RAB3IL1: variants seen among roughly 807,000 people sequenced by gnomAD.
The protein encoded by RAB3IL1 is RAB3A interacting protein like 1, also known as guanine nucleotide exchange factor for Rab-3A.
In RAB3IL1, 37 loss-of-function variants were observed where a neutral mutation model predicts 49.2. That is an observed-to-expected ratio of 0.75 (90% CI 0.58 to 0.99). The LOEUF (loss-of-function observed/expected upper bound fraction) is 0.99, where lower values mean the gene tolerates loss of function less well. RAB3IL1 is among the 50% of genes least tolerant of loss of function. RAB3IL1 has a pLI of 0.00. For synonymous variants in RAB3IL1, 193 were observed against 213.9 expected (o/e 0.90, Z 0.85); for missense variants, 484 against 513.0 (o/e 0.94, Z 0.55).
intron 2 of RAB3IL1, 25 bp downstream of exon 2, chr11:61,908,029 C>A (rs1311103027): frequency 3.1e-6 from 5 of 1,590,540 alleles, no homozygotes; most frequent in Non-Finnish European, 8.6e-7. Flanking sequence ...CACCGAAGAC[C>A]CCCCAGCCTA....
At chr11:61,928,373 C>A in the RAB3IL1 span, among the ~76,000 whole-genome samples, 4 of 152,094 alleles carry the variant, frequency 2.6e-5, no homozygotes, top group African/African-American at 9.6e-5. Context: ...AGCTAGGACC[C>A]TCAAAATACA....
the RAB3IL1 span, among the ~76,000 whole-genome samples, chr11:61,932,120 G>A: frequency 6.6e-6 from 1 of 151,828 alleles, no homozygotes. Flanking sequence ...GCGTGGTGGC[G>A]GGCGCCTGTA....
At chr11:61,941,256 C>T in the RAB3IL1 span, among the ~76,000 whole-genome samples, 1 of 150,160 alleles carries the variant, frequency 6.7e-6, no homozygotes, top group East Asian at 1.9e-4. Context: ...CAAGAAGAAA[C>T]AGAAAACTTG....
At chr11:61,929,708 C>T in the RAB3IL1 span, among the ~76,000 whole-genome samples, 4 of 151,036 alleles carry the variant, frequency 2.6e-5, no homozygotes, top group Middle Eastern at 6.8e-3. Flanking sequence ...GCCTCAGCCT[C>T]CTGAGTAGCT....
the RAB3IL1 span, among the ~76,000 whole-genome samples, chr11:61,934,043 C>T: frequency 2.0e-5 from 3 of 152,028 alleles, no homozygotes; most frequent in Admixed American, 6.6e-5. Flanking sequence ...CTGAAGGAGA[C>T]GAGGTCCCTG....
the RAB3IL1 span, among the ~76,000 whole-genome samples, chr11:61,936,478 T>C: frequency 6.6e-6 from 1 of 152,210 alleles, no homozygotes; most frequent in Non-Finnish European, 1.5e-5. Context: ...CTCAGCTCAC[T>C]GTAACATCTG....
chr11:61,899,212 T>G, intron 9 of RAB3IL1, 102 bp downstream of exon 9: 13 of 1,293,370 alleles, frequency 1.0e-5, no homozygotes, highest in South Asian at 1.3e-5. Context: ...GCCTCCTAGC[T>G]GAGTCTTGCC....
chr11:61,910,286 C>T (rs1378865879), intron 1 of RAB3IL1, among the ~76,000 whole-genome samples: 1 of 152,188 alleles, frequency 6.6e-6, no homozygotes, highest in Non-Finnish European at 1.5e-5. Context: ...CAGGGAGACT[C>T]GGAGGCTCCT....
chr11:61,898,111 G>C lies in RAB3IL1; in HGVS notation c.*167C>G. 1 of 673,464 alleles carries C rather than the reference G, an allele frequency of 1.5e-6. No homozygotes were observed. Among genetic ancestry groups the C allele is most frequent in the Non-Finnish European group, 2.6e-6 (1 of 381,166 alleles). The allele number at this position is 673,464 out of a possible 1,614,324, so 41.7% of individuals were successfully genotyped here. Reference sequence around the variant, plus strand: ...GTGAAGTCCAGGCCCGTCTGTCCCAGGATGGACGTGTGGTGCTGGCTCAGT... The same window carrying C: ...GTGAAGTCCAGGCCCGTCTGTCCCACGATGGACGTGTGGTGCTGGCTCAGT... On this transcript the variant is annotated 3_prime_UTR_variant, in exon 10 of 10. Coordinates refer to ENST00000394836, the MANE Select transcript of RAB3IL1 (RefSeq NM_013401.4). The surrounding 1 kb of genome is among the most constrained non-coding windows in gnomAD (Gnocchi z 5.1).
At chr11:61,899,279 T>C (rs1248913159) in intron 9 of RAB3IL1, 35 bp downstream of exon 9, 1 of 1,590,364 alleles carries the variant, frequency 6.3e-7, no homozygotes. Context: ...CACTCCCGTG[T>C]GCGATCCCTG....
At position 61,917,279 on chromosome 11, in the gene RAB3IL1, G is replaced by T. The variant is rs899173775; in HGVS notation, c.11+78C>A. 6.7e-6 allele frequency: 9 copies of T among 1,346,284 alleles called. No individual in the cohort carries two copies. The African/African-American group carries it at 1.2e-4, about 18-fold the overall frequency. The allele number at this position is 1,346,284 out of a possible 1,614,324, so 83.4% of individuals were successfully genotyped here. ...CGGGTGGCGGCGCAGACCCGGCGGG[G>T]ACCCCCGAAATCCTCCCGTCCCGGG... On this transcript the variant is annotated intron_variant, in intron 1 of 9. Coordinates refer to ENST00000394836, the MANE Select transcript of RAB3IL1 (RefSeq NM_013401.4).
intron 2 of RAB3IL1, 128 bp from the exon 3 acceptor site, chr11:61,907,788 G>A: frequency 1.1e-6 from 1 of 944,684 alleles, no homozygotes; most frequent in South Asian, 1.6e-5. Flanking sequence ...TATTTCCTCT[G>A]GTGCCTGACA....
the RAB3IL1 span, among the ~76,000 whole-genome samples, chr11:61,942,478 C>CAA: frequency 6.6e-6 from 1 of 151,904 alleles, no homozygotes; most frequent in African/African-American, 2.4e-5. Flanking sequence ...AAAAAACAAA[C>CAA]AAACAAACAA....
intron 8 of RAB3IL1, 122 bp from the exon 9 acceptor site, chr11:61,899,502 C>T: frequency 4.7e-6 from 4 of 857,620 alleles, no homozygotes; most frequent in Non-Finnish European, 7.3e-6. Context: ...TGCTCCCTGA[C>T]TCAGCTGGGA....
the RAB3IL1 span, among the ~76,000 whole-genome samples, chr11:61,941,842 A>G: frequency 6.6e-6 from 1 of 152,214 alleles, no homozygotes; most frequent in Non-Finnish European, 1.5e-5. Flanking sequence ...ATCCAGCAAC[A>G]TGTTAAAAAG....
At chr11:61,920,143 G>T, upstream of RAB3IL1, 1 of 1,340,704 alleles carries the variant, frequency 7.5e-7, no homozygotes, top group Admixed American at 2.7e-5. Context: ...CAGGAACACG[G>T]GACATGTCCC....
At position 61,906,659 on chromosome 11, in the gene RAB3IL1, G is replaced by A; in HGVS notation, c.464C>T (p.Thr155Ile). 1 of 1,610,398 alleles carries A rather than the reference G, an allele frequency of 6.2e-7. No homozygotes were observed. The highest frequency in any genetic ancestry group is 8.5e-7 in the Non-Finnish European group (1 of 1,178,762). Residue 155 changes from threonine (T) to isoleucine (I), a missense_variant, in exon 5 of 10, where the codon ACA becomes ATA. Physicochemically the swap from Thr to Ile is moderately conservative, Grantham distance 89 (BLOSUM62 -1). Transcript: ENST00000394836. This position sits in a 1 kb window ranked among gnomAD's most constrained non-coding sequence, Gnocchi z 4.6. ...GKIDMLQAEV[T>I]ALKTLVITST... The stretch of plus-strand genomic sequence containing the variant: ...CGTGATGACCAGCGTCTTCAAGGCT[G>A]TCACCTCTGCCTGCAGCATGTCGAT...
chr11:61,944,229 T>TCCTA, the RAB3IL1 span, among the ~76,000 whole-genome samples: 1 of 128,606 alleles, frequency 7.8e-6, no homozygotes, highest in Non-Finnish European at 1.7e-5. Context: ...CCTCCTTCCT[T>TCCTA]CCTTCCTTCC....
chr11:61,938,830 G>A, the RAB3IL1 span, among the ~76,000 whole-genome samples: 2 of 152,044 alleles, frequency 1.3e-5, no homozygotes, highest in African/African-American at 4.8e-5. Flanking sequence ...GGAGGCTGAG[G>A]CAGGAGGATG....
Sources: gnomAD v4.1 joint callset for allele counts (sites outside exome capture counted in the v4.1 genomes callset) on GRCh38, gnomAD v4.1.1 for gene constraint, Gnocchi (gnomAD v3.1) non-coding constraint, MANE v1.5 for transcripts, NCBI Gene and HGNC (gene_info 2026-07-23, HGNC 2026-07-21) for gene names.